The following PSMC4 variants were observed in gnomAD, a reference collection of about 807,000 sequenced individuals.
The protein encoded by PSMC4 is 26S proteasome regulatory subunit 6B.
PSMC4 carries 13 observed loss-of-function variants against 48.4 expected under a neutral mutation model. That is an observed-to-expected ratio of 0.27 (90% CI 0.18 to 0.43). The LOEUF (loss-of-function observed/expected upper bound fraction) is 0.43. Among genes scored for constraint, PSMC4 ranks in the 20% least tolerant of loss-of-function variants. PSMC4 has a pLI of 1.00. For synonymous variants in PSMC4, 202 were observed against 212.3 expected (o/e 0.95, Z 0.42); for missense variants, 262 against 555.9 (o/e 0.47, Z 5.32).
Position 39,974,265 on chromosome 19 carries a change from T to G in PSMC4, c.323-29T>G, listed in dbSNP as rs757775714. ...GAAGGGGCAGTTTCCAGGCTGACAC[T>G]TCTCGTTTTCCTCTCTCCCTTCTCG... On this transcript the variant is annotated intron_variant, in intron 3 of 10. Transcript: ENST00000157812. This position sits in a 1 kb window ranked among gnomAD's most constrained non-coding sequence, Gnocchi z 5.5. The G allele has an allele frequency of 1.2e-6, 2 of 1,611,894 alleles. No homozygotes were observed. Among genetic ancestry groups the G allele is most frequent in the African/African-American group, 2.7e-5 (2 of 74,870 alleles).
rs759585971 is a variant in PSMC4 at position 39,980,474 on chromosome 19, A to G, written c.1087+20A>G. The stretch of plus-strand genomic sequence containing the variant: ...AAGACTGTATCCTGCTCCAGAAGTC[A>G]GGGAGGGGCCCTAGTTGGGAACGGG... On this transcript the variant is annotated intron_variant, in intron 9 of 10. Coordinates refer to ENST00000157812, the MANE Select transcript of PSMC4 (RefSeq NM_006503.4). The surrounding 1 kb of genome is among the most constrained non-coding windows in gnomAD (Gnocchi z 4.8). 2 of 1,613,294 alleles carry G rather than the reference A, an allele frequency of 1.2e-6. No homozygotes were observed. The highest frequency in any genetic ancestry group is 1.7e-6 in the Non-Finnish European group (2 of 1,179,440).
At chr19:39,976,435 T>G (rs1971200620) in intron 6 of PSMC4, among the ~76,000 whole-genome samples, 3 of 141,722 alleles carry the variant, frequency 2.1e-5, no homozygotes, top group African/African-American at 2.6e-5. Flanking sequence ...AATAGAGACG[T>G]GGCAGTAAAC....
intron 3 of PSMC4, 99 bp downstream of exon 3, chr19:39,972,654 T>C (rs1043545056): frequency 9.8e-6 from 10 of 1,023,008 alleles, no homozygotes; most frequent in African/African-American, 4.9e-5. Flanking sequence ...TGCAGTGCAA[T>C]GTTCTTCAGA....
Position 39,979,993 on chromosome 19 carries a change from T to TGC in PSMC4, c.841+10_841+11dup. On this transcript the variant is annotated intron_variant, in intron 7 of 10. Coordinates refer to ENST00000157812, the MANE Select transcript of PSMC4 (RefSeq NM_006503.4). ...CGATGCTCAGACAGGGGGTAAGTGATGCTGAAACAAGGCCCGGGGTCTTGG... is the reference window on the plus strand; with the variant it reads ...CGATGCTCAGACAGGGGGTAAGTGATGCGCTGAAACAAGGCCCGGGGTCTTGG... The TGC allele has an allele frequency of 6.2e-7, 1 of 1,613,670 alleles. No individual in the cohort carries two copies. The highest frequency in any genetic ancestry group is 8.5e-7 in the Non-Finnish European group (1 of 1,179,850).
rs150414570 is a variant in PSMC4, at chr19:39,974,307, T to C, written c.336T>C (p.Tyr112=). The stretch of plus-strand genomic sequence containing the variant: ...CCCTTCTCGCAGGCTCCAACTATTA[T>C]GTGCGCATCCTGAGCACCATCGATC... ...IVGSTTGSNY[Y]VRILSTIDRE... Residue 112 remains tyrosine, a synonymous_variant, in exon 4 of 11, where the codon TAT becomes TAC. Transcript: ENST00000157812. The surrounding 1 kb of genome is among the most constrained non-coding windows in gnomAD (Gnocchi z 5.5). The C allele has an allele frequency of 1.9e-6, 3 of 1,614,166 alleles. No individual in the cohort carries two copies. Among genetic ancestry groups the C allele is most frequent in the Admixed American group, 1.7e-5 (1 of 60,018 alleles).
Position 39,980,343 on chromosome 19 carries a change from C to T in PSMC4, c.976C>T (p.Arg326Trp). The T allele has an allele frequency of 6.2e-7, 1 of 1,614,028 alleles. No individual in the cohort carries two copies. The highest frequency in any genetic ancestry group is 8.5e-7 in the Non-Finnish European group (1 of 1,180,018). ...TLDPALLRPGRLDRKIEFPLP... is the reference protein window; with the variant it reads ...TLDPALLRPGWLDRKIEFPLP... ...GGATCCGGCCCTGCTACGGCCAGGA[C>T]GGCTGGACCGTAAAATTGAATTTCC... Residue 326 changes from arginine (R) to tryptophan (W), a missense_variant, in exon 9 of 11, where the codon CGG becomes TGG. Transcript: ENST00000157812. The surrounding 1 kb of genome is among the most constrained non-coding windows in gnomAD (Gnocchi z 4.8).
chr19:39,974,925 CT>C lies in PSMC4; in HGVS notation c.673+98del. The C allele has an allele frequency of 8.3e-7, 1 of 1,211,552 alleles. No individual in the cohort carries two copies. The highest frequency in any genetic ancestry group is 2.0e-5 in the Admixed American group (1 of 48,930). 75.1% of individuals were successfully genotyped at this position (1,211,552 alleles called of 1,614,324 possible). ...GCACTGCACAGTAATTAGAAACAGA[CT>C]CTGGGGTCATAGCCCACGTGTGCAT... is the stretch of plus-strand genomic sequence containing the variant. On this transcript the variant is annotated intron_variant, in intron 6 of 10. Transcript: ENST00000157812. This position sits in a 1 kb window ranked among gnomAD's most constrained non-coding sequence, Gnocchi z 5.5.
At chr19:39,971,789 A>G (rs1275538685) in intron 1 of PSMC4, among the ~76,000 whole-genome samples, 1 of 152,132 alleles carries the variant, frequency 6.6e-6, no homozygotes, top group Non-Finnish European at 1.5e-5. Flanking sequence ...TTAACAGCCT[A>G]TCTAGGAGAG....
At chr19:39,977,935 GTC>G (rs1971230043) in intron 6 of PSMC4, among the ~76,000 whole-genome samples, 1 of 104,394 alleles carries the variant, frequency 9.6e-6, no homozygotes, top group South Asian at 2.8e-4. Context: ...CTCCCCACCT[GTC>G]TCTCCTAAGT....
chr19:39,974,512 C>T lies in PSMC4; in HGVS notation c.470-12C>T. 6.2e-7 allele frequency: 1 copy of T among 1,613,752 alleles called. No homozygotes were observed. Among genetic ancestry groups the T allele is most frequent in the Non-Finnish European group, 8.5e-7 (1 of 1,179,732 alleles). ...GACCTGGCCAGGAGCCCCAGCTCTG[C>T]TCTCCCACCAGACCAGAAGCCAGAT... On this transcript the variant is annotated splice_polypyrimidine_tract_variant and intron_variant, in intron 4 of 10. Coordinates refer to ENST00000157812, the MANE Select transcript of PSMC4 (RefSeq NM_006503.4). This position sits in a 1 kb window ranked among gnomAD's most constrained non-coding sequence, Gnocchi z 5.5.
At chr19:39,978,936 CAGG>C (rs1404836545) in intron 6 of PSMC4, among the ~76,000 whole-genome samples, 2 of 152,032 alleles carry the variant, frequency 1.3e-5, no homozygotes, top group African/African-American at 4.8e-5. Flanking sequence ...TGCTTGAGCC[CAGG>C]AGATTGAGGC....
chr19:39,980,781 ACT>A lies in PSMC4; in HGVS notation c.1143+67_1143+68del, dbSNP rs758938422. On this transcript the variant is annotated intron_variant, in intron 10 of 10. Coordinates refer to ENST00000157812, the MANE Select transcript of PSMC4 (RefSeq NM_006503.4). The surrounding 1 kb of genome is among the most constrained non-coding windows in gnomAD (Gnocchi z 4.8). ...TGTGAGGACCCTTCTTCTCTGAACC[ACT>A]CTGCTGCAGTCCTGTCCCCTCATGG... is the stretch of plus-strand genomic sequence containing the variant. 56 of 1,526,024 alleles carry A rather than the reference ACT, an allele frequency of 3.7e-5. 1 individual carries two copies. The highest frequency in any genetic ancestry group is 1.5e-4 in the African/African-American group (11 of 72,770). 94.5% of individuals were successfully genotyped at this position (1,526,024 alleles called of 1,614,324 possible).
At position 39,971,267 on chromosome 19, in the gene PSMC4, C is replaced by T. The variant is rs201294916; in HGVS notation, c.36+29C>T. On this transcript the variant is annotated intron_variant, in intron 1 of 10. Coordinates refer to ENST00000157812, the MANE Select transcript of PSMC4 (RefSeq NM_006503.4). The stretch of plus-strand genomic sequence containing the variant: ...CAGTGGGGACTTGGGCTTTTTAGTC[C>T]GGGCCGGGCTCGCGGGGAGAGGGTG... 2.9e-3 allele frequency: 4,624 copies of T among 1,613,720 alleles called. 11 individuals carry two copies. Among genetic ancestry groups the T allele is most frequent in the African/African-American group, 6.0e-3 (448 of 75,002 alleles).
Position 39,980,270 on chromosome 19 carries a change from T to C in PSMC4, c.919-16T>C. 3 of 1,613,812 alleles carry C rather than the reference T, an allele frequency of 1.9e-6. No homozygotes were observed. Among genetic ancestry groups the C allele is most frequent in the Non-Finnish European group, 2.5e-6 (3 of 1,179,894 alleles). ...AGGAGTGCAGAGATCTGAGCTGGCC[T>C]GCCCCCCAATGTCAGGTAATCATGG... is the stretch of plus-strand genomic sequence containing the variant. On this transcript the variant is annotated splice_polypyrimidine_tract_variant and intron_variant, in intron 8 of 10. Transcript: ENST00000157812. This position sits in a 1 kb window ranked among gnomAD's most constrained non-coding sequence, Gnocchi z 4.8.
rs758998895 is a variant in PSMC4, at chr19:39,974,130, G to A, written c.323-164G>A. On this transcript the variant is annotated intron_variant, in intron 3 of 10. Transcript: ENST00000157812. The surrounding 1 kb of genome is among the most constrained non-coding windows in gnomAD (Gnocchi z 5.5). ...AATCAGGGCGGTAGACAAGGAGTTCGTGTGAATACTGGGGACGGACAGCAG... is the reference window on the plus strand; with the variant it reads ...AATCAGGGCGGTAGACAAGGAGTTCATGTGAATACTGGGGACGGACAGCAG... Among the ~76,000 whole-genome samples the A allele has an allele frequency of 6.6e-6, 1 of 152,182 alleles. No homozygotes were observed. The highest frequency in any genetic ancestry group is 2.4e-5 in the African/African-American group (1 of 41,422).
At chr19:39,976,237 C>CAAA (rs201717115) in intron 6 of PSMC4, among the ~76,000 whole-genome samples, 6 of 105,330 alleles carry the variant, frequency 5.7e-5, no homozygotes, top group African/African-American at 2.3e-4. Flanking sequence ...ACTCCATCTC[C>CAAA]AAAAAAAATA....
At chr19:39,977,948 A>G (rs903162760) in intron 6 of PSMC4, among the ~76,000 whole-genome samples, 1 of 151,776 alleles carries the variant, frequency 6.6e-6, no homozygotes, top group Non-Finnish European at 1.5e-5. Flanking sequence ...TCTCCTAAGT[A>G]GGTGGGACTA....
chr19:39,980,690 A>G lies in PSMC4; in HGVS notation c.1116A>G (p.Gly372=), dbSNP rs1413744315. 1.9e-6 allele frequency: 3 copies of G among 1,614,010 alleles called. No individual in the cohort carries two copies. The highest frequency in any genetic ancestry group is 2.5e-6 in the Non-Finnish European group (3 of 1,179,984). The part of the protein sequence containing the change: ...DYVARPDKIS[G]ADINSICQES... ...TGGCCCGGCCAGATAAGATTTCAGG[A>G]GCTGATATTAACTCCATCTGTCAGG... The change falls in exon 10 of 11, where the codon GGA becomes GGG. Residue 372 remains glycine (G), a synonymous_variant. Transcript: ENST00000157812. This position sits in a 1 kb window ranked among gnomAD's most constrained non-coding sequence, Gnocchi z 4.8.
chr19:39,977,487 G>A (rs1971222917), intron 6 of PSMC4, among the ~76,000 whole-genome samples: 1 of 152,038 alleles, frequency 6.6e-6, no homozygotes, highest in Admixed American at 6.6e-5. Flanking sequence ...AATGGGAAAA[G>A]CTGCTGACTG....
Sources: allele counts gnomAD v4.1 joint callset (sites outside exome capture counted in the v4.1 genomes callset), GRCh38; gene constraint gnomAD v4.1.1; non-coding constraint Gnocchi (gnomAD v3.1); transcripts MANE v1.5; gene names NCBI Gene and HGNC (gene_info 2026-07-23, HGNC 2026-07-21).